Variants in DLGAP1 observed in about 807,000 individuals in gnomAD.
DLGAP1 encodes the protein DLG associated protein 1.
In DLGAP1, 11 loss-of-function variants were observed where a neutral mutation model predicts 90.8. The ratio of observed to expected loss-of-function variants is 0.12; its 90% CI spans 0.08 to 0.20. The LOEUF (loss-of-function observed/expected upper bound fraction) is 0.20, where lower values mean the gene tolerates loss of function less well. Ranked by LOEUF, DLGAP1 falls within the 10% of genes least tolerant of loss-of-function variation. The pLI, the probability that DLGAP1 is intolerant of heterozygous loss-of-function variation, is 1.00. For missense variants in DLGAP1, 1,050 were observed against 1,333.8 expected (o/e 0.79, Z 3.31); for synonymous variants, 558 against 540.7 (o/e 1.03, Z -0.44).
intron 1 of DLGAP1, among the ~76,000 whole-genome samples, chr18:4,433,490 C>G (rs1221375575): frequency 6.6e-6 from 1 of 152,136 alleles, no homozygotes; most frequent in Non-Finnish European, 1.5e-5. Context: ...GGGAGTGTGT[C>G]CATACACTGA....
chr18:3,945,281 C>A (rs1048371949), intron 3 of DLGAP1, among the ~76,000 whole-genome samples: 4 of 152,142 alleles, frequency 2.6e-5, no homozygotes, highest in African/African-American at 9.7e-5. Context: ...TCCAACTGTG[C>A]CTAATAGTTT....
intron 2 of DLGAP1, among the ~76,000 whole-genome samples, chr18:4,044,299 C>A (rs1322669810): frequency 6.6e-6 from 1 of 152,198 alleles, no homozygotes; most frequent in Non-Finnish European, 1.5e-5. Context: ...TTTATGGCTT[C>A]ACGTAAAAGG....
chr18:3,938,497 C>G (rs954237592), intron 3 of DLGAP1, among the ~76,000 whole-genome samples: 7 of 152,142 alleles, frequency 4.6e-5, no homozygotes, highest in African/African-American at 1.7e-4. Flanking sequence ...AGTGCAGGTG[C>G]AAGGTCGCGA....
chr18:4,393,190 TAAATA>T (rs573250714), intron 1 of DLGAP1, among the ~76,000 whole-genome samples: 86 of 152,210 alleles, frequency 5.7e-4, no homozygotes, highest in Middle Eastern at 3.4e-3. Flanking sequence ...TAAAATAGAA[TAAATA>T]AAATAAAACA....
intron 4 of DLGAP1, among the ~76,000 whole-genome samples, chr18:3,847,851 A>G (rs148248896): frequency 6.6e-6 from 1 of 152,134 alleles, no homozygotes; most frequent in Non-Finnish European, 1.5e-5. Context: ...GAGGTTTGTG[A>G]ATTTTAAAAA....
At chr18:4,068,052 A>C (rs1358177201) in intron 2 of DLGAP1, among the ~76,000 whole-genome samples, 1 of 152,020 alleles carries the variant, frequency 6.6e-6, no homozygotes, top group African/African-American at 2.4e-5. Context: ...TATTACACTT[A>C]TATATATAAA....
At chr18:3,525,049 T>C (rs946286990) in intron 10 of DLGAP1, among the ~76,000 whole-genome samples, 2 of 152,076 alleles carry the variant, frequency 1.3e-5, no homozygotes, top group African/African-American at 2.4e-5. Flanking sequence ...AGTAGAAGTT[T>C]TCCCATAGAC....
chr18:4,413,122 A>T (rs1269999490), intron 1 of DLGAP1, among the ~76,000 whole-genome samples: 1 of 152,106 alleles, frequency 6.6e-6, no homozygotes, highest in Non-Finnish European at 1.5e-5. Context: ...TCAGATGGAG[A>T]TCTGGATCAC....
At chr18:3,864,709 G>T (rs768993728) in intron 4 of DLGAP1, among the ~76,000 whole-genome samples, 3 of 152,054 alleles carry the variant, frequency 2.0e-5, no homozygotes, top group Non-Finnish European at 4.4e-5. Context: ...ATTCTGCATT[G>T]TTGTCTGTTA....
At chr18:4,368,479 C>G (rs947532876) in intron 1 of DLGAP1, among the ~76,000 whole-genome samples, 3 of 152,094 alleles carry the variant, frequency 2.0e-5, no homozygotes, top group African/African-American at 7.2e-5. Flanking sequence ...AGGACCTATC[C>G]CAAGAGCGAA....
At chr18:3,866,992 C>T (rs1599053006) in intron 4 of DLGAP1, among the ~76,000 whole-genome samples, 1 of 148,318 alleles carries the variant, frequency 6.7e-6, no homozygotes, top group Admixed American at 6.7e-5. Flanking sequence ...CTGGGAACTA[C>T]AGGCACATGC....
intron 3 of DLGAP1, among the ~76,000 whole-genome samples, chr18:3,892,976 A>C (rs2071514669): frequency 6.6e-6 from 1 of 150,598 alleles, no homozygotes; most frequent in African/African-American, 2.4e-5. Flanking sequence ...ATTGTGTAGA[A>C]GTAAAGGCTG....
chr18:4,256,518 CAACTT>C (rs1035577135), intron 1 of DLGAP1, among the ~76,000 whole-genome samples: 3 of 152,170 alleles, frequency 2.0e-5, no homozygotes, highest in African/African-American at 7.2e-5. Context: ...CAGACTTACT[CAACTT>C]AGATTCCTTA....
intron 2 of DLGAP1, among the ~76,000 whole-genome samples, chr18:4,108,754 TCTA>T (rs2075916889): frequency 6.6e-6 from 1 of 152,216 alleles, no homozygotes; most frequent in African/African-American, 2.4e-5. Context: ...GGAAGTATCT[TCTA>T]CTTGGTACAG....
intron 1 of DLGAP1, among the ~76,000 whole-genome samples, chr18:4,164,386 C>A (rs1042989693): frequency 5.9e-5 from 9 of 152,232 alleles, no homozygotes; most frequent in Non-Finnish European, 8.8e-5. Context: ...TTTAAACGAT[C>A]AGACACTGCC....
At chr18:4,114,649 T>G (rs2076032012) in intron 2 of DLGAP1, among the ~76,000 whole-genome samples, 1 of 152,132 alleles carries the variant, frequency 6.6e-6, no homozygotes, top group Non-Finnish European at 1.5e-5. Flanking sequence ...GCATATATGT[T>G]TATAATTGTT....
At chr18:4,252,943 A>T (rs2078812953) in intron 1 of DLGAP1, among the ~76,000 whole-genome samples, 1 of 152,204 alleles carries the variant, frequency 6.6e-6, no homozygotes. Context: ...GCACTTGGAG[A>T]TTGATCTTCC....
At chr18:3,584,501 A>G (rs1190674778) in intron 7 of DLGAP1, among the ~76,000 whole-genome samples, 1 of 152,238 alleles carries the variant, frequency 6.6e-6, no homozygotes, top group African/African-American at 2.4e-5. Context: ...TCAGTGGCCT[A>G]TGATTTGGAG....
At chr18:3,731,181 CAT>C (rs543477898) in intron 6 of DLGAP1, among the ~76,000 whole-genome samples, 1 of 151,872 alleles carries the variant, frequency 6.6e-6, no homozygotes, top group African/African-American at 2.4e-5. Context: ...TATATATAGA[CAT>C]ATATATAATA....
Sources: gnomAD v4.1 joint callset for allele counts (sites outside exome capture counted in the v4.1 genomes callset) on GRCh38, gnomAD v4.1.1 for gene constraint, MANE v1.5 for transcripts, NCBI Gene and HGNC (gene_info 2026-07-23, HGNC 2026-07-21) for gene names.